ABL2: variants seen among roughly 807,000 people sequenced by gnomAD.
The protein encoded by ABL2 is ABL proto-oncogene 2, non-receptor tyrosine kinase.
Under a neutral mutation model 107.7 loss-of-function variants are expected in ABL2, and 49 were observed. The ratio of observed to expected loss-of-function variants is 0.45; its 90% CI spans 0.36 to 0.58. ABL2 has a LOEUF of 0.58. Ranked by LOEUF, ABL2 falls within the 20% of genes least tolerant of loss-of-function variation. The pLI is 0.00. For synonymous variants in ABL2, 549 were observed against 548.6 expected (o/e 1.00, Z -0.01); for missense variants, 1,245 against 1,457.0 (o/e 0.85, Z 2.37).
In ABL2 at chr1:179,108,370, A is replaced by G. The variant is rs762192924; in HGVS notation, c.2897T>C (p.Val966Ala). 11 of 1,614,036 alleles carry G rather than the reference A, an allele frequency of 6.8e-6. No individual in the cohort carries two copies. The Admixed American group carries it at 1.8e-4, about 27-fold the overall frequency. ...NKFKLLSEHQ[V>A]TSSGDKDRPR... is the part of the protein sequence containing the mutation. ...TCGGTCCTTGTCTCCAGAGGATGTG[A>G]CCTGATGCTCAGATAAGAGCTTGAA... Residue 966 changes from valine to alanine, a missense_variant, in exon 12 of 12, where the codon GTC (valine) becomes GCC (alanine). Around this residue, in one of 3 missense-constraint regions of ABL2, gnomAD observed 761 missense variants for 766.4 expected, o/e 0.99. Transcript: ENST00000502732.
intron 1 of ABL2, among the ~76,000 whole-genome samples, chr1:179,193,247 G>GA (rs1163705044): frequency 6.6e-6 from 1 of 151,998 alleles, no homozygotes; most frequent in Non-Finnish European, 1.5e-5. Flanking sequence ...AACACTACCA[G>GA]AAAAAGTGGC....
At chr1:179,130,734 G>GTGTA (rs1656228141) in intron 3 of ABL2, among the ~76,000 whole-genome samples, 3 of 145,686 alleles carry the variant, frequency 2.1e-5, no homozygotes, top group African/African-American at 7.8e-5. Context: ...TTTTGTGTGT[G>GTGTA]TGTGTGTGTG....
chr1:179,107,397 T>A lies in ABL2; in HGVS notation c.*321A>T. ...CAGTCTTGCTGAGAGCAGCCCTGCC[T>A]AGCACTTCCCAGCATTCCAGGTAGG... On this transcript the variant is annotated 3_prime_UTR_variant, in exon 12 of 12. Transcript: ENST00000502732. The A allele has an allele frequency of 2.9e-6, 1 of 347,344 alleles. No individual in the cohort carries two copies. The highest frequency in any genetic ancestry group is 5.2e-6 in the Non-Finnish European group (1 of 191,164). 21.5% of individuals were successfully genotyped at this position (347,344 alleles called of 1,614,324 possible).
At position 179,131,492 on chromosome 1, in the gene ABL2, T is replaced by A. The variant is rs755450366; in HGVS notation, c.221-11A>T. ...GACGATGCAAAGCTTCTGAAAGACA[T>A]AAGAAGGGAAGGGAATTCACGGTGA... On this transcript the variant is annotated splice_polypyrimidine_tract_variant and intron_variant, in intron 2 of 11. Coordinates refer to ENST00000502732, the MANE Select transcript of ABL2 (RefSeq NM_007314.4). 6.2e-7 allele frequency: 1 copy of A among 1,612,148 alleles called. No homozygotes were observed. Among genetic ancestry groups the A allele is most frequent in the Non-Finnish European group, 8.5e-7 (1 of 1,178,408 alleles).
At chr1:179,148,909 A>G (rs1658194495) in intron 1 of ABL2, among the ~76,000 whole-genome samples, 1 of 141,076 alleles carries the variant, frequency 7.1e-6, no homozygotes, top group African/African-American at 2.5e-5. Flanking sequence ...TGAAAAAAAA[A>G]AAAAGGAAAA....
intron 1 of ABL2, among the ~76,000 whole-genome samples, chr1:179,211,970 T>G (rs1219819686): frequency 6.6e-6 from 1 of 152,126 alleles, no homozygotes; most frequent in Non-Finnish European, 1.5e-5. Flanking sequence ...CTCACGCTAC[T>G]GTGAAGAAAT....
intron 1 of ABL2, among the ~76,000 whole-genome samples, chr1:179,176,805 C>T (rs540050702): frequency 1.3e-5 from 2 of 148,368 alleles, no homozygotes; most frequent in South Asian, 4.3e-4. Context: ...AAGCAATTCT[C>T]CTGCCTCAGC....
chr1:179,136,326 G>A (rs928781978), intron 1 of ABL2, among the ~76,000 whole-genome samples: 3 of 151,736 alleles, frequency 2.0e-5, no homozygotes, highest in Non-Finnish European at 4.4e-5. Flanking sequence ...TGTGTAGAAA[G>A]AGGTAGACAT....
chr1:179,201,257 T>C (rs1661651459), intron 1 of ABL2, among the ~76,000 whole-genome samples: 2 of 152,246 alleles, frequency 1.3e-5, no homozygotes, highest in South Asian at 2.1e-4. Context: ...GTCTTGTTTT[T>C]GGAGTTCTGT....
intron 1 of ABL2, among the ~76,000 whole-genome samples, chr1:179,190,267 C>T (rs1239391084): frequency 6.6e-6 from 1 of 152,106 alleles, no homozygotes. Flanking sequence ...TCCACAACCC[C>T]CTCCTTGGTT....
In ABL2 at chr1:179,101,400, C is replaced by T. The variant is rs148008000; in HGVS notation, c.*6318G>A. 389 of 171,340 alleles carry T rather than the reference C, an allele frequency of 2.3e-3. 2 individuals are homozygous for T. The highest frequency in any genetic ancestry group is 0.013 in the Middle Eastern group (6 of 460). The allele number at this position is 171,340 out of a possible 1,614,324, so 10.6% of individuals were successfully genotyped here. ...TCCTTTTTTTTTTTTTTCTTCTTAACGTGTCTCACTCTGTCACTTAGGCTG... is the reference window on the plus strand; with the variant it reads ...TCCTTTTTTTTTTTTTTCTTCTTAATGTGTCTCACTCTGTCACTTAGGCTG... On this transcript the variant is annotated 3_prime_UTR_variant, in exon 12 of 12. Coordinates refer to ENST00000502732, the MANE Select transcript of ABL2 (RefSeq NM_007314.4).
intron 1 of ABL2, among the ~76,000 whole-genome samples, chr1:179,193,286 T>G (rs955950833): frequency 1.3e-5 from 2 of 151,722 alleles, no homozygotes; most frequent in South Asian, 4.1e-4. Context: ...TTTCTAAACT[T>G]TAAAAATGTA....
At position 179,112,298 on chromosome 1, in the gene ABL2, C is replaced by A. The variant is rs768091566; in HGVS notation, c.1651+11G>T. The A allele has an allele frequency of 6.2e-7, 1 of 1,609,408 alleles. No individual in the cohort carries two copies. Among genetic ancestry groups the A allele is most frequent in the African/African-American group, 1.3e-5 (1 of 74,806 alleles). ...AATTAGTCACCAACAGTAAATCCAA[C>A]AGATTCTCACCTTCAGAAATGCTGG... On this transcript the variant is annotated intron_variant, in intron 10 of 11. Coordinates refer to ENST00000502732, the MANE Select transcript of ABL2 (RefSeq NM_007314.4).
At chr1:179,174,430 G>A (rs751711861) in intron 1 of ABL2, among the ~76,000 whole-genome samples, 1 of 151,384 alleles carries the variant, frequency 6.6e-6, no homozygotes, top group Non-Finnish European at 1.5e-5. Flanking sequence ...CCAACATGGA[G>A]AAACTCCATC....
At chr1:179,159,270 T>C (rs919230899) in intron 1 of ABL2, among the ~76,000 whole-genome samples, 1 of 152,216 alleles carries the variant, frequency 6.6e-6, no homozygotes, top group Admixed American at 6.5e-5. Context: ...CTAAGGTCAA[T>C]CAGTTTTCCA....
intron 1 of ABL2, among the ~76,000 whole-genome samples, chr1:179,208,093 CT>C (rs1177895321): frequency 1.3e-5 from 2 of 151,914 alleles, no homozygotes; most frequent in African/African-American, 4.8e-5. Flanking sequence ...GAAGACTAGC[CT>C]AAAAATAAAT....
At chr1:179,157,349 T>C in intron 1 of ABL2, among the ~76,000 whole-genome samples, 1 of 151,872 alleles carries the variant, frequency 6.6e-6, no homozygotes, top group East Asian at 1.9e-4. Flanking sequence ...TACAAAAAAT[T>C]AGCTGGGCCC....
intron 4 of ABL2, 127 bp from the exon 5 acceptor site, chr1:179,121,994 C>T (rs1189493923): frequency 5.5e-6 from 5 of 909,558 alleles, no homozygotes; most frequent in African/African-American, 1.8e-5. Context: ...GGCGCGATCT[C>T]GGCTCACTGC....
In ABL2 at chr1:179,189,827, G is replaced by GT. The variant is rs537154954; in HGVS notation, c.157+39413dup. Among the ~76,000 whole-genome samples the GT allele has an allele frequency of 2.4e-3, 353 of 146,530 alleles. 2 individuals are homozygous for GT. Among genetic ancestry groups the GT allele is most frequent in the African/African-American group, 6.7e-3 (268 of 39,812 alleles). On this transcript the variant is annotated intron_variant, in intron 1 of 11. Coordinates refer to ENST00000502732, the MANE Select transcript of ABL2 (RefSeq NM_007314.4). ...AGCTGGGTGTCTTACCATTTTTTTT[G>GT]TTTTTTTTTTGAGACGGAGTTTTGC...
Sources: allele counts gnomAD v4.1 joint callset (sites outside exome capture counted in the v4.1 genomes callset), GRCh38; gene constraint gnomAD v4.1.1; regional missense constraint gnomAD v4.1.1; transcripts MANE v1.5; gene names NCBI Gene and HGNC (gene_info 2026-07-23, HGNC 2026-07-21).